NTM: variants seen among roughly 807,000 people sequenced by gnomAD.
NTM encodes the protein neurotrimin, also known as IgLON family member 2.
NTM carries 13 observed loss-of-function variants against 42.1 expected under a neutral mutation model. The ratio of observed to expected loss-of-function variants is 0.31; its 90% CI spans 0.20 to 0.49. The LOEUF is 0.49. Ranked by LOEUF, NTM falls within the 20% of genes least tolerant of loss-of-function variation. NTM has a pLI of 0.99. For missense variants in NTM, 373 were observed against 452.8 expected, an observed-to-expected ratio of 0.82 and a Z score of 1.60; for synonymous variants, 187 against 179.2, an observed-to-expected ratio of 1.04 and a Z score of -0.35.
At chr11:131,831,040 C>T (rs1306899322) in intron 1 of NTM, among the ~76,000 whole-genome samples, 1 of 152,098 alleles carries the variant, frequency 6.6e-6, no homozygotes, top group Non-Finnish European at 1.5e-5. Flanking sequence ...TTACTGAAGT[C>T]CTTTATCAGT....
intron 1 of NTM, among the ~76,000 whole-genome samples, chr11:131,726,791 G>A (rs1296618547): frequency 6.6e-6 from 1 of 151,080 alleles, no homozygotes; most frequent in African/African-American, 2.5e-5. Context: ...ACAGCTCATT[G>A]CAGCCTAAAC....
At chr11:131,938,053 C>T (rs1471225670) in intron 2 of NTM, among the ~76,000 whole-genome samples, 3 of 152,162 alleles carry the variant, frequency 2.0e-5, no homozygotes, top group Non-Finnish European at 4.4e-5. Context: ...TTCTCTAACA[C>T]GTATCGGGTG....
chr11:131,973,584 C>T (rs1230500450), intron 2 of NTM, among the ~76,000 whole-genome samples: 2 of 152,320 alleles, frequency 1.3e-5, no homozygotes, highest in African/African-American at 2.4e-5. Flanking sequence ...CCTTGGGCCA[C>T]AGTGGGCAGA....
intron 4 of NTM, among the ~76,000 whole-genome samples, chr11:132,294,209 G>C (rs1478803468): frequency 6.6e-6 from 1 of 152,070 alleles, no homozygotes; most frequent in Non-Finnish European, 1.5e-5. Flanking sequence ...CAGCAATCAT[G>C]TGTGTTCTGG....
intron 1 of NTM, among the ~76,000 whole-genome samples, chr11:131,638,913 T>C (rs920428246): frequency 6.6e-6 from 1 of 152,252 alleles, no homozygotes; most frequent in Non-Finnish European, 1.5e-5. Context: ...AATAATAGCT[T>C]AGACTCATTA....
At chr11:132,132,975 C>G (rs1197031037) in intron 2 of NTM, among the ~76,000 whole-genome samples, 1 of 152,188 alleles carries the variant, frequency 6.6e-6, no homozygotes, top group Non-Finnish European at 1.5e-5. Flanking sequence ...ATTGCAAAAT[C>G]TTACAATCCA....
At chr11:131,577,624 G>T (rs539750245) in intron 1 of NTM, among the ~76,000 whole-genome samples, 1 of 152,336 alleles carries the variant, frequency 6.6e-6, no homozygotes, top group Non-Finnish European at 1.5e-5. Flanking sequence ...GAACGAAAGT[G>T]GCTAGAGTTG....
chr11:131,506,135 C>T (rs73026138), intron 1 of NTM, among the ~76,000 whole-genome samples: 12,235 of 152,126 alleles, frequency 0.08, 552 homozygotes, highest in Middle Eastern at 0.14. Flanking sequence ...CTTAAAATGA[C>T]TCATTCTCAA....
intron 1 of NTM, among the ~76,000 whole-genome samples, chr11:131,738,161 G>A (rs1025808986): frequency 6.6e-6 from 1 of 152,132 alleles, no homozygotes; most frequent in African/African-American, 2.4e-5. Context: ...TCACTCCTGG[G>A]TTTCTCTCCT....
At chr11:132,143,318 GA>G (rs2069596473) in intron 2 of NTM, among the ~76,000 whole-genome samples, 1 of 152,180 alleles carries the variant, frequency 6.6e-6, no homozygotes, top group Non-Finnish European at 1.5e-5. Context: ...TACTGAATCA[GA>G]AACCCATGGA....
At chr11:132,134,965 G>T (rs1263401341) in intron 2 of NTM, among the ~76,000 whole-genome samples, 1 of 151,688 alleles carries the variant, frequency 6.6e-6, no homozygotes, top group African/African-American at 2.4e-5. Context: ...GTTTTCCATA[G>T]TGGTTGTATT....
chr11:132,336,694 G>T lies in NTM; in HGVS notation c.*1548G>T. 6.7e-6 allele frequency: 1 copy of T among 150,276 alleles called. No individual in the cohort carries two copies. 9.3% of individuals were successfully genotyped at this position (150,276 alleles called of 1,614,324 possible). On this transcript the variant is annotated 3_prime_UTR_variant, in exon 9 of 9. Transcript: ENST00000683400. ...ATCTTTTTTTTTTTTCCCCTCCCCTGAAAGTCTGGGAACCTGAGAGTCCTC... is the reference window on the plus strand; with the variant it reads ...ATCTTTTTTTTTTTTCCCCTCCCCTTAAAGTCTGGGAACCTGAGAGTCCTC...
chr11:131,962,610 A>G (rs887712594), intron 2 of NTM, among the ~76,000 whole-genome samples: 6 of 152,174 alleles, frequency 3.9e-5, no homozygotes, highest in African/African-American at 1.4e-4. Context: ...AACCCTGAGG[A>G]ACAAATGTTT....
chr11:132,305,124 C>T (rs2095030937), intron 4 of NTM, among the ~76,000 whole-genome samples: 1 of 152,230 alleles, frequency 6.6e-6, no homozygotes, highest in South Asian at 2.1e-4. Flanking sequence ...AACTGCATTT[C>T]AGTCCAGGAC....
intron 1 of NTM, among the ~76,000 whole-genome samples, chr11:131,625,328 G>A (rs1432124459): frequency 6.6e-6 from 1 of 152,186 alleles, no homozygotes; most frequent in Non-Finnish European, 1.5e-5. Context: ...AGCAAGGGGA[G>A]ACTCTCTTGT....
chr11:131,857,378 G>A (rs1051557698), intron 1 of NTM, among the ~76,000 whole-genome samples: 11 of 151,976 alleles, frequency 7.2e-5, no homozygotes, highest in African/African-American at 1.9e-4. Context: ...CTGCTGCAGC[G>A]TCCCCTTCCT....
intron 7 of NTM, among the ~76,000 whole-genome samples, chr11:132,316,552 A>T (rs908444286): frequency 2.0e-5 from 3 of 152,172 alleles, no homozygotes; most frequent in African/African-American, 7.2e-5. Context: ...AGTGGGGTAC[A>T]TGTGGGGATG....
intron 1 of NTM, among the ~76,000 whole-genome samples, chr11:131,375,567 G>A (rs1941854186): frequency 1.3e-5 from 2 of 152,166 alleles, no homozygotes; most frequent in African/African-American, 2.4e-5. Context: ...GGCTTTAGAA[G>A]GCACTTGCAG....
chr11:131,682,073 C>A lies in NTM; in HGVS notation c.83-229491C>A, dbSNP rs76185229. Among the ~76,000 whole-genome samples the A allele has an allele frequency of 9.8e-3, 1,485 of 152,262 alleles. 29 individuals carry two copies. Among genetic ancestry groups the A allele is most frequent in the African/African-American group, 0.033 (1,386 of 41,546 alleles). On this transcript the variant is annotated intron_variant, in intron 1 of 8. Transcript: ENST00000683400. ...CCCCTAGGGCTGCAGGCAGAACCGA[C>A]GCACCTAGTGACACCTTTCACCCGC...
Sources: gnomAD v4.1 joint callset for allele counts (sites outside exome capture counted in the v4.1 genomes callset) on GRCh38, gnomAD v4.1.1 for gene constraint, MANE v1.5 for transcripts, NCBI Gene and HGNC (gene_info 2026-07-23, HGNC 2026-07-21) for gene names.